Variants in LRRC8B observed in about 807,000 individuals in gnomAD.
LRRC8B encodes the protein volume-regulated anion channel subunit LRRC8B.
Under a neutral mutation model 58.8 loss-of-function variants are expected in LRRC8B, and 23 were observed. That is an observed-to-expected ratio of 0.39 (90% CI 0.28 to 0.55). The LOEUF (loss-of-function observed/expected upper bound fraction) is 0.55. LRRC8B is among the 20% of genes least tolerant of loss of function. The pLI, the probability that LRRC8B is intolerant of heterozygous loss-of-function variation, is 0.62. For synonymous variants in LRRC8B, 359 were observed against 374.1 expected (o/e 0.96, Z 0.47); for missense variants, 694 against 936.0 (o/e 0.74, Z 3.37).
chr1:89,565,807 G>A (rs754047858), intron 1 of LRRC8B, among the ~76,000 whole-genome samples: 1 of 152,138 alleles, frequency 6.6e-6, no homozygotes. Flanking sequence ...CTCTGGGCAG[G>A]CTAAGGATTT....
At chr1:89,541,734 AAAAAAAAAAAAAAAAG>A (rs1450235786) in intron 1 of LRRC8B, among the ~76,000 whole-genome samples, 1 of 138,654 alleles carries the variant, frequency 7.2e-6, no homozygotes, top group African/African-American at 2.8e-5. Context: ...AAAAAAAAAA[AAAAAAAAAAAAAAAAG>A]CTGGCTGTCT....
chr1:89,587,063 GAGAAAACT>G (rs1444668383), intron 5 of LRRC8B, among the ~76,000 whole-genome samples: 1 of 152,134 alleles, frequency 6.6e-6, no homozygotes, highest in Non-Finnish European at 1.5e-5. Context: ...AGGGCAAGCG[GAGAAAACT>G]AGGACCATCA....
chr1:89,591,489 A>G (rs964010641), intron 5 of LRRC8B, among the ~76,000 whole-genome samples: 6 of 152,178 alleles, frequency 3.9e-5, no homozygotes, highest in African/African-American at 1.2e-4. Context: ...TATATCTAAT[A>G]TTTTGGTGTA....
At chr1:89,588,404 AC>A (rs1438712147) in intron 5 of LRRC8B, among the ~76,000 whole-genome samples, 1 of 152,218 alleles carries the variant, frequency 6.6e-6, no homozygotes, top group Non-Finnish European at 1.5e-5. Flanking sequence ...TGAGCAAGAC[AC>A]CTTTTTTTAT....
chr1:89,537,250 C>G (rs1193159448), intron 1 of LRRC8B, among the ~76,000 whole-genome samples: 6 of 152,190 alleles, frequency 3.9e-5, no homozygotes, highest in Non-Finnish European at 8.8e-5. Context: ...GGCAACATAG[C>G]AAGACCCTGT....
At chr1:89,535,123 A>C (rs1034999869) in intron 1 of LRRC8B, among the ~76,000 whole-genome samples, 1 of 152,146 alleles carries the variant, frequency 6.6e-6, no homozygotes, top group African/African-American at 2.4e-5. Context: ...GAGCCAGCAG[A>C]AGGGCAGTAT....
chr1:89,564,455 C>A (rs1364590951), intron 1 of LRRC8B, among the ~76,000 whole-genome samples: 2 of 152,186 alleles, frequency 1.3e-5, no homozygotes, highest in Non-Finnish European at 2.9e-5. Context: ...GCAGATGGCT[C>A]TTAGTCAGCT....
At position 89,537,152 on chromosome 1, in the gene LRRC8B, CA is replaced by C. The variant is rs577292455; in HGVS notation, c.-241+12131del. Reference sequence around the variant, plus strand: ...TTTTTCTATTGAAATGTGTAAGTAACACCAGGTCTGGTAGGGGAGGCTTGAG... The same window carrying C: ...TTTTTCTATTGAAATGTGTAAGTAACCCAGGTCTGGTAGGGGAGGCTTGAG... On this transcript the variant is annotated intron_variant, in intron 1 of 5. Coordinates refer to ENST00000330947, the MANE Select transcript of LRRC8B (RefSeq NM_001369817.2). 3.3e-3 allele frequency among the ~76,000 whole-genome samples: 498 copies of C among 152,288 alleles called. 5 individuals are homozygous for C. Among genetic ancestry groups the C allele is most frequent in the African/African-American group, 0.011 (470 of 41,556 alleles).
At chr1:89,555,760 T>C (rs1489689890) in intron 1 of LRRC8B, among the ~76,000 whole-genome samples, 4 of 152,218 alleles carry the variant, frequency 2.6e-5, no homozygotes, top group Admixed American at 2.6e-4. Context: ...GAAAGCAAGC[T>C]TGACCTTTTA....
rs147959517 is a variant in LRRC8B, at chr1:89,575,963, C to T, written c.-124-3628C>T. Among the ~76,000 whole-genome samples, 460 of 152,260 alleles carry T rather than the reference C, an allele frequency of 3.0e-3. 4 individuals are homozygous for T. The highest frequency in any genetic ancestry group is 0.011 in the African/African-American group (442 of 41,546). On this transcript the variant is annotated intron_variant, in intron 3 of 5. Coordinates refer to ENST00000330947, the MANE Select transcript of LRRC8B (RefSeq NM_001369817.2). Reference sequence around the variant, plus strand: ...TTAAGAGAAAATGTATTCCCATTCCCGTGCCTGACAAAGACATGTTTTAAA... The same window carrying T: ...TTAAGAGAAAATGTATTCCCATTCCTGTGCCTGACAAAGACATGTTTTAAA...
Position 89,582,881 on chromosome 1 carries a change from G to A in LRRC8B, c.231G>A (p.Met77Ile). The A allele has an allele frequency of 5.0e-6, 8 of 1,614,122 alleles. No individual in the cohort carries two copies. The highest frequency in any genetic ancestry group is 6.8e-6 in the Non-Finnish European group (8 of 1,180,028). Residue 77 changes from methionine to isoleucine, a missense_variant, in exon 5 of 6, where the codon ATG becomes ATA. Coordinates refer to ENST00000330947, the MANE Select transcript of LRRC8B (RefSeq NM_001369817.2). ...CTTGGGACATCCTGAAAGCCAGCAT[G>A]AACACATCCTCTAATCCTGGGACAC... is the stretch of plus-strand genomic sequence containing the variant. Reference protein sequence around the residue: ...AVPWDILKASMNTSSNPGTPL... With the variant: ...AVPWDILKASINTSSNPGTPL...
intron 1 of LRRC8B, among the ~76,000 whole-genome samples, chr1:89,541,781 T>C (rs1442528913): frequency 2.4e-5 from 3 of 124,810 alleles, no homozygotes; most frequent in Non-Finnish European, 3.2e-5. Flanking sequence ...ATAACTTGGC[T>C]AAAGTTAAGG....
chr1:89,547,172 A>G (rs561361608), intron 1 of LRRC8B, among the ~76,000 whole-genome samples: 1 of 151,924 alleles, frequency 6.6e-6, no homozygotes, highest in African/African-American at 2.4e-5. Flanking sequence ...CAGTGACATC[A>G]TGTTGGTACT....
chr1:89,550,416 T>C (rs1651715324), intron 1 of LRRC8B, among the ~76,000 whole-genome samples: 1 of 152,206 alleles, frequency 6.6e-6, no homozygotes, highest in Non-Finnish European at 1.5e-5. Flanking sequence ...CACAAATACC[T>C]TTTTGGGTTC....
At chr1:89,537,027 A>G (rs769173631) in intron 1 of LRRC8B, among the ~76,000 whole-genome samples, 22 of 152,210 alleles carry the variant, frequency 1.4e-4, no homozygotes, top group Admixed American at 5.2e-4. Flanking sequence ...AACTGGTAAG[A>G]TACTAAGATT....
rs575892058 is a variant in LRRC8B at position 89,524,912 on chromosome 1, G to T, written c.-351G>T. The T allele has an allele frequency of 7.6e-4, 115 of 152,312 alleles. 1 individual carries two copies. The highest frequency in any genetic ancestry group is 2.3e-3 in the African/African-American group (96 of 41,564). The allele number at this position is 152,312 out of a possible 1,614,324, so 9.4% of individuals were successfully genotyped here. ...AGCGCCGGGGCTTCCCGCTGAGCCC[G>T]CAGCCTCCGGCAGCCGGGAAAGTGC... On this transcript the variant is annotated 5_prime_UTR_variant, in exon 1 of 6. Coordinates refer to ENST00000330947, the MANE Select transcript of LRRC8B (RefSeq NM_001369817.2).
chr1:89,532,254 C>G (rs1650195121), intron 1 of LRRC8B, among the ~76,000 whole-genome samples: 1 of 152,150 alleles, frequency 6.6e-6, no homozygotes, highest in Non-Finnish European at 1.5e-5. Flanking sequence ...ATGCTCTATT[C>G]CCCTCACCCC....
At chr1:89,551,809 C>T (rs927928172) in intron 1 of LRRC8B, among the ~76,000 whole-genome samples, 2 of 152,214 alleles carry the variant, frequency 1.3e-5, no homozygotes, top group Admixed American at 6.5e-5. Flanking sequence ...TAGCCAGGCT[C>T]TTCAACCTCT....
chr1:89,541,655 G>A (rs912102738), intron 1 of LRRC8B, among the ~76,000 whole-genome samples: 2 of 139,362 alleles, frequency 1.4e-5, no homozygotes, highest in African/African-American at 5.5e-5. Flanking sequence ...AGCTTGCAGT[G>A]AGCCGAGATC....
Sources: gnomAD v4.1 joint callset for allele counts (sites outside exome capture counted in the v4.1 genomes callset) on GRCh38, gnomAD v4.1.1 for gene constraint, MANE v1.5 for transcripts, NCBI Gene and HGNC (gene_info 2026-07-23, HGNC 2026-07-21) for gene names.